ANO3: variants seen among roughly 807,000 people sequenced by gnomAD.
The protein encoded by ANO3 is anoctamin-3.
A neutral mutation model predicts 144.8 loss-of-function variants in ANO3; 99 were observed. That is an observed-to-expected ratio of 0.68 (90% CI 0.58 to 0.81). The LOEUF is 0.81. Ranked by LOEUF, ANO3 falls within the 30% of genes least tolerant of loss-of-function variation. The pLI, the probability that ANO3 is intolerant of heterozygous loss-of-function variation, is 0.00. For synonymous variants in ANO3, 414 were observed against 392.6 expected (o/e 1.05, Z -0.64); for missense variants, 905 against 1,202.2 (o/e 0.75, Z 3.66).
At chr11:26,191,627 C>T (rs1304644162) in intron 1 of ANO3, among the ~76,000 whole-genome samples, 1 of 152,050 alleles carries the variant, frequency 6.6e-6, no homozygotes, top group African/African-American at 2.4e-5. Flanking sequence ...TGTTTTTTTC[C>T]AAAACATTTC....
At chr11:26,350,645 G>C (rs1855624319) in intron 1 of ANO3, among the ~76,000 whole-genome samples, 1 of 151,974 alleles carries the variant, frequency 6.6e-6, no homozygotes, top group Non-Finnish European at 1.5e-5. Context: ...TATATATTTT[G>C]ATATAATGAC....
At chr11:26,529,301 A>T (rs1305569259) in intron 7 of ANO3, among the ~76,000 whole-genome samples, 5 of 32 alleles carry the variant, frequency 0.16, 2 homozygotes, top group Non-Finnish European at 0.75. Context: ...ATATTATATA[A>T]TATATATTAT....
intron 4 of ANO3, among the ~76,000 whole-genome samples, chr11:26,471,474 C>CGAA (rs1447092847): frequency 6.6e-6 from 1 of 151,834 alleles, no homozygotes; most frequent in Non-Finnish European, 1.5e-5. Context: ...GTTTCTATTC[C>CGAA]TTAGGATCAA....
intron 17 of ANO3, among the ~76,000 whole-genome samples, chr11:26,613,709 G>A (rs188233086): frequency 9.9e-4 from 151 of 152,312 alleles, no homozygotes; most frequent in Middle Eastern, 3.4e-3. Flanking sequence ...GGAGTCTCTA[G>A]TGTGATCTTC....
intron 14 of ANO3, among the ~76,000 whole-genome samples, chr11:26,585,763 C>T (rs1399698875): frequency 6.6e-6 from 1 of 152,182 alleles, no homozygotes; most frequent in Non-Finnish European, 1.5e-5. Flanking sequence ...CATGTGACTT[C>T]AGCAAGTCAC....
At chr11:26,228,615 TTTGA>T (rs146872980) in intron 1 of ANO3, among the ~76,000 whole-genome samples, 3,051 of 152,256 alleles carry the variant, frequency 0.02, 107 homozygotes, top group African/African-American at 0.069. Context: ...GCATTGAAGG[TTTGA>T]TTGGCCCCAA....
At chr11:26,472,528 T>C (rs1160169619) in intron 4 of ANO3, among the ~76,000 whole-genome samples, 1 of 151,894 alleles carries the variant, frequency 6.6e-6, no homozygotes, top group Non-Finnish European at 1.5e-5. Context: ...TCAAGCACTG[T>C]GCTACACTGC....
chr11:26,451,563 A>G (rs1167975434), intron 3 of ANO3, among the ~76,000 whole-genome samples: 3 of 152,194 alleles, frequency 2.0e-5, no homozygotes, highest in Admixed American at 6.5e-5. Flanking sequence ...AGGCTTGCTT[A>G]GGTAAACAAA....
intron 1 of ANO3, among the ~76,000 whole-genome samples, chr11:26,285,474 T>C (rs1357356258): frequency 1.3e-5 from 2 of 152,206 alleles, no homozygotes; most frequent in South Asian, 2.1e-4. Flanking sequence ...CAATTAAAGA[T>C]TACCTTATAA....
chr11:26,617,612 T>C (rs1852297976), intron 17 of ANO3, among the ~76,000 whole-genome samples: 1 of 152,214 alleles, frequency 6.6e-6, no homozygotes, highest in Admixed American at 6.5e-5. Context: ...TATTTCTACT[T>C]ATTGGTCAAT....
intron 14 of ANO3, among the ~76,000 whole-genome samples, chr11:26,597,407 C>A (rs1400516514): frequency 6.6e-6 from 1 of 152,178 alleles, no homozygotes; most frequent in Non-Finnish European, 1.5e-5. Context: ...GGGCACTTAG[C>A]CGTGCAGGAA....
chr11:26,574,665 A>G (rs1386858604), intron 14 of ANO3, among the ~76,000 whole-genome samples: 2 of 152,160 alleles, frequency 1.3e-5, no homozygotes, highest in African/African-American at 2.4e-5. Context: ...CATTTAATTT[A>G]TTTCAATATT....
At chr11:26,585,696 T>C (rs1419663380) in intron 14 of ANO3, among the ~76,000 whole-genome samples, 4 of 152,190 alleles carry the variant, frequency 2.6e-5, no homozygotes, top group African/African-American at 4.8e-5. Context: ...CAGGGAAGCA[T>C]TGTATGGTAG....
intron 1 of ANO3, among the ~76,000 whole-genome samples, chr11:26,344,614 C>T (rs1855453851): frequency 6.6e-6 from 1 of 152,070 alleles, no homozygotes; most frequent in South Asian, 2.1e-4. Flanking sequence ...ATCCGCCCGC[C>T]TCGGTCTCCC....
intron 1 of ANO3, among the ~76,000 whole-genome samples, chr11:26,339,447 G>C (rs551408166): frequency 6.6e-6 from 1 of 152,064 alleles, no homozygotes; most frequent in South Asian, 2.1e-4. Flanking sequence ...GAACCACCGC[G>C]CCTGGCCCAA....
In ANO3 at chr11:26,238,102, T is replaced by C. The variant is rs571310624; in HGVS notation, c.154+48772T>C. ...TTCATTCCTACTATTACCCCATGTG[T>C]GTTGTGCATAAAATTGTGTGTGTGC... On this transcript the variant is annotated intron_variant, in intron 1 of 27. Coordinates refer to the ANO3 transcript ENST00000672621. Among the ~76,000 whole-genome samples the C allele has an allele frequency of 4.6e-5, 7 of 152,266 alleles. No homozygotes were observed. In the South Asian group the frequency reaches 1.0e-3, roughly 23 times the overall value.
At chr11:26,617,220 C>T (rs2132985567) in intron 17 of ANO3, among the ~76,000 whole-genome samples, 1 of 152,334 alleles carries the variant, frequency 6.6e-6, no homozygotes, top group East Asian at 1.9e-4. Flanking sequence ...CTCCTACCCT[C>T]TTCCTCAGTT....
intron 14 of ANO3, among the ~76,000 whole-genome samples, chr11:26,569,641 A>G (rs992260056): frequency 6.6e-6 from 1 of 152,056 alleles, no homozygotes; most frequent in Non-Finnish European, 1.5e-5. Flanking sequence ...AGCCTAATGG[A>G]GGTGGGACAG....
chr11:26,421,258 A>G (rs1857744082), intron 1 of ANO3, among the ~76,000 whole-genome samples: 1 of 152,100 alleles, frequency 6.6e-6, no homozygotes, highest in Non-Finnish European at 1.5e-5. Context: ...AAATGGCTAC[A>G]TAGCTCAAGT....
Sources: gnomAD v4.1 joint callset for allele counts (sites outside exome capture counted in the v4.1 genomes callset) on GRCh38, gnomAD v4.1.1 for gene constraint, MANE v1.5 for transcripts, NCBI Gene and HGNC (gene_info 2026-07-23, HGNC 2026-07-21) for gene names.